The following SPPL3 variants were observed in gnomAD, a reference collection of about 807,000 sequenced individuals.
SPPL3 encodes signal peptide peptidase-like 3.
In SPPL3, 5 loss-of-function variants were observed where a neutral mutation model predicts 42.4. The observed-to-expected ratio is 0.12, with a 90% CI of 0.06 to 0.25. The LOEUF is 0.25. SPPL3 is among the 10% of genes least tolerant of loss of function. The pLI is 1.00. For missense variants in SPPL3, 235 were observed against 489.0 expected (o/e 0.48, Z 4.90); for synonymous variants, 195 against 181.8 (o/e 1.07, Z -0.58).
intron 1 of SPPL3, among the ~76,000 whole-genome samples, chr12:120,901,139 C>T (rs1873969934): frequency 6.6e-6 from 1 of 152,126 alleles, no homozygotes; most frequent in East Asian, 1.9e-4. Context: ...GTACTTTAAA[C>T]ATACCACTTG....
rs796615865 is a variant in SPPL3 at position 120,762,593 on chromosome 12, CCTTTTTT to C, written c.*2399_*2405del. ...ATGACCCACTGCCAGGATAACATTT[CCTTTTTT>C]TTTTTTTTTTTGAGATGGAGTCTCA... On this transcript the variant is annotated 3_prime_UTR_variant, in exon 11 of 11. Coordinates refer to ENST00000353487, the MANE Select transcript of SPPL3 (RefSeq NM_139015.5). The C allele has an allele frequency of 8.6e-5, 10 of 115,874 alleles. No individual in the cohort carries two copies. The highest frequency in any genetic ancestry group is 3.6e-4 in the African/African-American group (10 of 27,452). The allele number at this position is 115,874 out of a possible 1,614,324, so 7.2% of individuals were successfully genotyped here. A position where few individuals can be genotyped will look rare whatever the true frequency, so the allele number is the denominator to read the frequency against.
intron 10 of SPPL3, 119 bp from the exon 11 acceptor site, chr12:120,765,189 G>A: frequency 1.1e-6 from 1 of 874,882 alleles, no homozygotes; most frequent in Admixed American, 2.9e-5. Context: ...ATATTGGCCA[G>A]GCTGGTCTCA....
chr12:120,883,163 G>A (rs1873345593), intron 1 of SPPL3, among the ~76,000 whole-genome samples: 1 of 152,010 alleles, frequency 6.6e-6, no homozygotes, highest in Admixed American at 6.6e-5. Flanking sequence ...AAATTAGCCA[G>A]GCGTGGTGGC....
chr12:120,899,888 CAAA>C (rs34814522), intron 1 of SPPL3, among the ~76,000 whole-genome samples: 1 of 71,704 alleles, frequency 1.4e-5, no homozygotes, highest in Non-Finnish European at 2.4e-5. Flanking sequence ...GACCCTGTCT[CAAA>C]AAAAAAAAAA....
chr12:120,769,095 G>C (rs376520825), intron 6 of SPPL3, 36 bp from the exon 7 acceptor site: 4 of 1,511,186 alleles, frequency 2.6e-6, no homozygotes, highest in African/African-American at 1.4e-5. Context: ...ACAGCAGTCA[G>C]TGTGGACTCC....
At chr12:120,805,525 A>C (rs1243780192) in intron 2 of SPPL3, among the ~76,000 whole-genome samples, 1 of 152,226 alleles carries the variant, frequency 6.6e-6, no homozygotes, top group South Asian at 2.1e-4. Context: ...AGGGAGAAAA[A>C]GGGAAAAAGA....
At chr12:120,872,452 C>T (rs1228728997) in intron 1 of SPPL3, among the ~76,000 whole-genome samples, 1 of 152,170 alleles carries the variant, frequency 6.6e-6, no homozygotes, top group Non-Finnish European at 1.5e-5. Flanking sequence ...GAGACAACTC[C>T]CAGGCTTCAT....
chr12:120,870,314 G>A (rs940343180), intron 1 of SPPL3, among the ~76,000 whole-genome samples: 7 of 151,780 alleles, frequency 4.6e-5, no homozygotes, highest in Admixed American at 1.3e-4. Context: ...TCGTGGTGGC[G>A]CATGCCTGTA....
intron 1 of SPPL3, among the ~76,000 whole-genome samples, chr12:120,848,190 C>T (rs1472625622): frequency 6.6e-6 from 1 of 152,140 alleles, no homozygotes; most frequent in African/African-American, 2.4e-5. Context: ...GACAGAATCT[C>T]AAGGTTGCTC....
chr12:120,825,694 C>A (rs570872723), intron 1 of SPPL3, among the ~76,000 whole-genome samples: 1 of 152,224 alleles, frequency 6.6e-6, no homozygotes, highest in East Asian at 1.9e-4. Flanking sequence ...TTAACGTCAC[C>A]TGAAAACATT....
intron 6 of SPPL3, among the ~76,000 whole-genome samples, chr12:120,782,294 A>G (rs1398183128): frequency 6.6e-6 from 1 of 152,274 alleles, no homozygotes; most frequent in Non-Finnish European, 1.5e-5. Flanking sequence ...TAGTGTATCC[A>G]TACAATGGAA....
chr12:120,832,276 C>T (rs1474526064), intron 1 of SPPL3, among the ~76,000 whole-genome samples: 1 of 152,016 alleles, frequency 6.6e-6, no homozygotes, highest in Non-Finnish European at 1.5e-5. Context: ...TTAATTAATC[C>T]CCCAAGAATT....
intron 6 of SPPL3, among the ~76,000 whole-genome samples, chr12:120,781,858 T>A (rs7965310): frequency 2.6e-5 from 4 of 151,846 alleles, no homozygotes; most frequent in African/African-American, 9.7e-5. Flanking sequence ...ATTACAGGCA[T>A]GAACCACAAT....
At chr12:120,823,236 C>T (rs1592980406) in intron 1 of SPPL3, among the ~76,000 whole-genome samples, 2 of 108,468 alleles carry the variant, frequency 1.8e-5, no homozygotes, top group Admixed American at 9.8e-5. Flanking sequence ...GGGGCGGCGG[C>T]GGTGGCGGGG....
intron 1 of SPPL3, among the ~76,000 whole-genome samples, chr12:120,879,427 T>C (rs559504774): frequency 6.6e-6 from 1 of 152,078 alleles, no homozygotes; most frequent in African/African-American, 2.4e-5. Flanking sequence ...CAACTGTGAG[T>C]GGTACTTCCC....
chr12:120,829,364 G>A (rs549638912), intron 1 of SPPL3, among the ~76,000 whole-genome samples: 7 of 152,098 alleles, frequency 4.6e-5, no homozygotes, highest in Non-Finnish European at 8.8e-5. Context: ...GGGAGGCCAC[G>A]GCAGGCGGAT....
chr12:120,860,851 G>C (rs1872599118), intron 1 of SPPL3, among the ~76,000 whole-genome samples: 1 of 151,976 alleles, frequency 6.6e-6, no homozygotes, highest in Non-Finnish European at 1.5e-5. Flanking sequence ...CCTATCTTTG[G>C]GGGACTGGTT....
intron 6 of SPPL3, among the ~76,000 whole-genome samples, chr12:120,781,579 T>G (rs866029248): frequency 1.6e-4 from 18 of 113,486 alleles, no homozygotes; most frequent in Middle Eastern, 4.1e-3. Flanking sequence ...TTTTTTTTTT[T>G]TTTTTTTTTT....
chr12:120,801,016 C>T (rs1870276392), intron 2 of SPPL3, among the ~76,000 whole-genome samples: 4 of 152,344 alleles, frequency 2.6e-5, no homozygotes. Flanking sequence ...CAAAAATATA[C>T]TTCTCTGACA....
Sources: gnomAD v4.1 joint callset for allele counts (sites outside exome capture counted in the v4.1 genomes callset) on GRCh38, gnomAD v4.1.1 for gene constraint, MANE v1.5 for transcripts, NCBI Gene and HGNC (gene_info 2026-07-23, HGNC 2026-07-21) for gene names.